KCNQ3: variants seen among roughly 807,000 people sequenced by gnomAD.
KCNQ3 encodes potassium voltage-gated channel subfamily KQT member 3.
A neutral mutation model predicts 92.5 loss-of-function variants in KCNQ3; 30 were observed. That is an observed-to-expected ratio of 0.32 (90% CI 0.24 to 0.44). The LOEUF (loss-of-function observed/expected upper bound fraction) is 0.44, where lower values mean the gene tolerates loss of function less well. KCNQ3 is among the 20% of genes least tolerant of loss of function. KCNQ3 has a pLI of 1.00. For missense variants in KCNQ3, 913 were observed against 1,140.3 expected, an observed-to-expected ratio of 0.80 and a Z score of 2.87; for synonymous variants, 450 against 468.8, an observed-to-expected ratio of 0.96 and a Z score of 0.52.
At chr8:132,237,111 G>A (rs1814841336) in intron 1 of KCNQ3, among the ~76,000 whole-genome samples, 1 of 152,174 alleles carries the variant, frequency 6.6e-6, no homozygotes, top group Non-Finnish European at 1.5e-5. Context: ...TTGACCTATA[G>A]AGCATGAGCT....
intron 8 of KCNQ3, among the ~76,000 whole-genome samples, chr8:132,163,816 G>A (rs142922609): frequency 4.4e-4 from 67 of 152,284 alleles, no homozygotes; most frequent in Non-Finnish European, 7.6e-4. Flanking sequence ...ATTTGGTGGT[G>A]GAGACAGACC....
At chr8:132,170,294 G>T in intron 8 of KCNQ3, 40 bp downstream of exon 8, 1 of 1,420,134 alleles carries the variant, frequency 7.0e-7, no homozygotes, top group South Asian at 1.1e-5. Context: ...AGGAGAGATG[G>T]CTGGTCACGC....
At chr8:132,283,913 T>C (rs1372058762) in intron 1 of KCNQ3, among the ~76,000 whole-genome samples, 3 of 152,202 alleles carry the variant, frequency 2.0e-5, no homozygotes, top group Non-Finnish European at 4.4e-5. Context: ...ATTCATTCAA[T>C]TGAAACAAAT....
intron 1 of KCNQ3, among the ~76,000 whole-genome samples, chr8:132,374,809 A>G (rs574259444): frequency 2.0e-5 from 3 of 152,304 alleles, no homozygotes; most frequent in South Asian, 2.1e-4. Flanking sequence ...TAGTTTGCTG[A>G]GTATGATGGC....
At chr8:132,224,081 A>ATTTTTT (rs1164773143) in intron 1 of KCNQ3, among the ~76,000 whole-genome samples, 790 of 39,436 alleles carry the variant, frequency 0.02, 115 homozygotes, top group Non-Finnish European at 0.035. Flanking sequence ...ATGCCAGGCT[A>ATTTTTT]TTTTTTTTTT....
chr8:132,267,016 C>T (rs1158245694), intron 1 of KCNQ3, among the ~76,000 whole-genome samples: 2 of 152,128 alleles, frequency 1.3e-5, no homozygotes, highest in African/African-American at 4.8e-5. Flanking sequence ...AACATTTTCT[C>T]CATGTGAAAA....
At chr8:132,163,244 C>T (rs1479457428) in intron 9 of KCNQ3, among the ~76,000 whole-genome samples, 2 of 152,074 alleles carry the variant, frequency 1.3e-5, no homozygotes, top group African/African-American at 4.8e-5. Flanking sequence ...TGACACAGAA[C>T]CCAGACCCTC....
chr8:132,455,044 T>C (rs1821908530), intron 1 of KCNQ3, among the ~76,000 whole-genome samples: 1 of 152,156 alleles, frequency 6.6e-6, no homozygotes, highest in Non-Finnish European at 1.5e-5. Flanking sequence ...TACTGTGTAG[T>C]GAGTACAAAG....
intron 1 of KCNQ3, among the ~76,000 whole-genome samples, chr8:132,217,218 T>C (rs867764673): frequency 2.0e-5 from 3 of 152,176 alleles, no homozygotes; most frequent in Non-Finnish European, 4.4e-5. Context: ...AGGTGATTGT[T>C]AAACATTCCT....
Position 132,240,887 on chromosome 8 carries a change from C to T in KCNQ3, c.387-54706G>A, listed in dbSNP as rs540646326. 7.3e-3 allele frequency among the ~76,000 whole-genome samples: 623 copies of T among 85,276 alleles called. 5 individuals are homozygous for T. Among genetic ancestry groups the T allele is most frequent in the Middle Eastern group, 0.026 (3 of 116 alleles). The allele number at this position is 85,276 out of a possible 152,430, so 55.9% of individuals were successfully genotyped here. A position where few individuals can be genotyped will look rare whatever the true frequency, so the allele number is the denominator to read the frequency against. ...TCAAAACAACCCAATGAGCTAGCTA[C>T]AATTTTTTTTTTTCTTTTTGAGACA... On this transcript the variant is annotated intron_variant, in intron 1 of 14. Coordinates refer to ENST00000388996, the MANE Select transcript of KCNQ3 (RefSeq NM_004519.4).
chr8:132,164,300 T>G, intron 8 of KCNQ3, among the ~76,000 whole-genome samples: 1 of 149,676 alleles, frequency 6.7e-6, no homozygotes, highest in African/African-American at 2.6e-5. Context: ...ACTCTGTCAT[T>G]ATTACGTGGA....
At chr8:132,227,784 C>T (rs1206306731) in intron 1 of KCNQ3, among the ~76,000 whole-genome samples, 1 of 152,072 alleles carries the variant, frequency 6.6e-6, no homozygotes, top group Non-Finnish European at 1.5e-5. Flanking sequence ...TATACGAGTT[C>T]AATATGAATG....
intron 1 of KCNQ3, chr8:132,278,143 A>G: frequency 2.0e-6 from 2 of 985,350 alleles, no homozygotes; most frequent in Non-Finnish European, 2.4e-6. Flanking sequence ...GAGAATCCCC[A>G]TTTTGTACTC....
intron 1 of KCNQ3, among the ~76,000 whole-genome samples, chr8:132,309,589 G>A (rs1174459699): frequency 6.6e-6 from 1 of 152,178 alleles, no homozygotes; most frequent in Non-Finnish European, 1.5e-5. Flanking sequence ...GCACCTCCCA[G>A]CATCGCTGAC....
chr8:132,325,047 C>A (rs1207982744), intron 1 of KCNQ3, among the ~76,000 whole-genome samples: 3 of 151,320 alleles, frequency 2.0e-5, no homozygotes, highest in Non-Finnish European at 4.4e-5. Context: ...TGGCCTCATT[C>A]CCACTGTTTC....
At chr8:132,271,430 T>A (rs1816144605) in intron 1 of KCNQ3, among the ~76,000 whole-genome samples, 1 of 152,150 alleles carries the variant, frequency 6.6e-6, no homozygotes, top group South Asian at 2.1e-4. Context: ...TATTTATTTA[T>A]TTAATTTTCA....
chr8:132,303,470 G>A (rs2130589460), intron 1 of KCNQ3, among the ~76,000 whole-genome samples: 1 of 148,304 alleles, frequency 6.7e-6, no homozygotes, highest in South Asian at 2.2e-4. Flanking sequence ...GGAGAGTTTG[G>A]CCGAATTTTG....
chr8:132,384,040 C>A (rs1264596165), intron 1 of KCNQ3, among the ~76,000 whole-genome samples: 1 of 152,152 alleles, frequency 6.6e-6, no homozygotes, highest in African/African-American at 2.4e-5. Context: ...GTTAGAACAC[C>A]AGTTTGTTTC....
chr8:132,305,991 TTCCC>T (rs1047414433), intron 1 of KCNQ3, among the ~76,000 whole-genome samples: 4 of 152,112 alleles, frequency 2.6e-5, no homozygotes, highest in Non-Finnish European at 5.9e-5. Flanking sequence ...CTAAGCTCCC[TTCCC>T]TGGGCATCTT....
Sources: gnomAD v4.1 joint callset for allele counts (sites outside exome capture counted in the v4.1 genomes callset) on GRCh38, gnomAD v4.1.1 for gene constraint, MANE v1.5 for transcripts, NCBI Gene and HGNC (gene_info 2026-07-23, HGNC 2026-07-21) for gene names.